Variants in DOCK6 observed in about 807,000 individuals in gnomAD.
DOCK6 encodes the protein dedicator of cytokinesis 6.
A neutral mutation model predicts 230.3 loss-of-function variants in DOCK6; 167 were observed. The ratio of observed to expected loss-of-function variants is 0.73; its 90% confidence interval spans 0.64 to 0.82. The LOEUF (loss-of-function observed/expected upper bound fraction) is 0.82, where lower values mean the gene tolerates loss of function less well. DOCK6 is among the 40% of genes least tolerant of loss of function. The probability of loss-of-function intolerance (pLI) is 0.00; values close to 1 mark genes in which losing one functional copy is unlikely to be tolerated. For synonymous variants in DOCK6, 1,148 were observed against 1,185.0 expected (o/e 0.97, Z 0.64); for missense variants, 2,598 against 2,825.8 (o/e 0.92, Z 1.83).
At chr19:11,205,070 T>G (rs1305128154) in intron 39 of DOCK6, among the ~76,000 whole-genome samples, 1 of 152,156 alleles carries the variant, frequency 6.6e-6, no homozygotes, top group Non-Finnish European at 1.5e-5. Flanking sequence ...TGGCATGTGG[T>G]AATATGCCCC....
rs904819015 is a variant in DOCK6 at position 11,202,862 on chromosome 19, G to A, written c.5236-153C>T. 1.2e-5 allele frequency: 15 copies of A among 1,263,086 alleles called. No individual in the cohort carries two copies. The highest frequency in any genetic ancestry group is 1.7e-5 in the Non-Finnish European group (15 of 892,204). 78.2% of individuals were successfully genotyped at this position (1,263,086 alleles called of 1,614,324 possible). A position where few individuals can be genotyped will look rare whatever the true frequency, so the allele number is the denominator to read the frequency against. On this transcript the variant is annotated intron_variant, in intron 41 of 47. Transcript: ENST00000294618. This position sits in a 1 kb window ranked among gnomAD's most constrained non-coding sequence, Gnocchi z 5.3. Reference sequence around the variant, plus strand: ...AGGCAGGGGGCCCTGAGAACATTGGGGCATGGATTGCAATAGGAAGTTAGG... The same window carrying A: ...AGGCAGGGGGCCCTGAGAACATTGGAGCATGGATTGCAATAGGAAGTTAGG...
rs371116891 is a variant in DOCK6, at chr19:11,233,311, G to A, written c.2610C>T (p.Pro870=). The A allele has an allele frequency of 8.7e-6, 14 of 1,613,714 alleles. No individual in the cohort carries two copies. Among genetic ancestry groups the A allele is most frequent in the Admixed American group, 8.3e-5 (5 of 59,998 alleles). ...AATLARGSGR[P]ASLYLARSKS... ...TGGAACGCGCCAGGTAGAGGCTTGC[G>A]GGGCGACCAGAGCCACGGGCCAGTG... The change falls in exon 22 of 48, where the codon CCC becomes CCT. Residue 870 remains proline, a synonymous_variant. Transcript: ENST00000294618.
At chr19:11,239,911 CG>C in intron 14 of DOCK6, 1 of 1,588,384 alleles carries the variant, frequency 6.3e-7, no homozygotes, top group Non-Finnish European at 8.6e-7. Flanking sequence ...CCAGGAACTT[CG>C]GGCAAGCCTG....
At chr19:11,245,237 G>T (rs2080013928) in intron 9 of DOCK6, among the ~76,000 whole-genome samples, 1 of 152,170 alleles carries the variant, frequency 6.6e-6, no homozygotes, top group African/African-American at 2.4e-5. Flanking sequence ...AAATGAGGGT[G>T]CCAACTATGT....
rs2079601394 is a variant in DOCK6 at position 11,222,802 on chromosome 19, T to A, written c.3173A>T (p.Asn1058Ile). 1.3e-6 allele frequency: 2 copies of A among 1,588,618 alleles called. No homozygotes were observed. Among genetic ancestry groups the A allele is most frequent in the East Asian group, 4.6e-5 (2 of 43,902 alleles). ...LCSHEHYVTL[N>I]LPCCPLSPPA... The stretch of plus-strand genomic sequence containing the variant: ...AGGTGACAGGGGGCAGCAGGGGAGG[T>A]TGAGGGTCACGTAGTGCTCGTGGCT... The change falls in exon 26 of 48, where the codon AAC becomes ATC. Residue 1058 changes from asparagine (N) to isoleucine (I), a missense_variant. Physicochemically the swap from Asn to Ile is moderately radical, Grantham distance 149. Coordinates refer to ENST00000294618, the MANE Select transcript of DOCK6 (RefSeq NM_020812.4). This position sits in a 1 kb window ranked among gnomAD's most constrained non-coding sequence, Gnocchi z 4.0.
rs771470936 is a variant in DOCK6 at position 11,222,813 on chromosome 19, G to T, written c.3162C>A (p.Tyr1054Ter). 2.5e-6 allele frequency: 4 copies of T among 1,593,380 alleles called. No individual in the cohort carries two copies. In the Admixed American group the frequency reaches 7.2e-5, roughly 29 times the overall value. The change falls in exon 26 of 48, where the codon TAC becomes TAA. Residue 1054 changes from tyrosine to a stop codon, truncating the protein, a stop_gained. Transcript: ENST00000294618. LOFTEE classifies it high-confidence loss of function. The surrounding 1 kb of genome is among the most constrained non-coding windows in gnomAD (Gnocchi z 4.0). ...FTRILCSHEHYVTLNLPCCPL... is the reference protein window; with the variant it reads ...FTRILCSHEH ...GGCAGCAGGGGAGGTTGAGGGTCACGTAGTGCTCGTGGCTGCACAGGATGC... is the reference window on the plus strand; with the variant it reads ...GGCAGCAGGGGAGGTTGAGGGTCACTTAGTGCTCGTGGCTGCACAGGATGC...
At position 11,243,379 on chromosome 19, in the gene DOCK6, C is replaced by T. The variant is rs1445092333; in HGVS notation, c.1265G>A (p.Arg422Gln). Residue 422 changes from arginine to glutamine, a missense_variant, in exon 12 of 48, where the codon CGG becomes CAG. Physicochemically the swap from Arg to Gln is conservative, Grantham distance 43. Coordinates refer to ENST00000294618, the MANE Select transcript of DOCK6 (RefSeq NM_020812.4). The surrounding 1 kb of genome is among the most constrained non-coding windows in gnomAD (Gnocchi z 6.3). ...ACGGCGGCGGTCTGTCCAGGCTGGCCGGCGCTCTAGGGGAGGGAATGACAA... is the reference window on the plus strand; with the variant it reads ...ACGGCGGCGGTCTGTCCAGGCTGGCTGGCGCTCTAGGGGAGGGAATGACAA... ...DRDSDSEGERRPAWTDRRRRG... is the reference protein window; with the variant it reads ...DRDSDSEGERQPAWTDRRRRG... The T allele has an allele frequency of 2.5e-6, 4 of 1,601,948 alleles. No homozygotes were observed. Among genetic ancestry groups the T allele is most frequent in the Non-Finnish European group, 3.4e-6 (4 of 1,174,908 alleles).
intron 1 of DOCK6, chr19:11,254,086 C>T (rs982227725): frequency 2.4e-5 from 5 of 211,488 alleles, no homozygotes; most frequent in Admixed American, 1.8e-4. Flanking sequence ...CCCAACACAC[C>T]CAGCCCTGCC....
rs750584511 is a variant in DOCK6, at chr19:11,217,100, G to A, written c.3712-4C>T. The stretch of plus-strand genomic sequence containing the variant: ...GGGCACAGCCTGCGCGAGAAGCCTG[G>A]GGCCAGAGAGGAATCAAAGTCAATT... On this transcript the variant is annotated splice_polypyrimidine_tract_variant and splice_region_variant and intron_variant, in intron 29 of 47. Coordinates refer to ENST00000294618, the MANE Select transcript of DOCK6 (RefSeq NM_020812.4). 1.2e-6 allele frequency: 2 copies of A among 1,607,880 alleles called. No homozygotes were observed. The highest frequency in any genetic ancestry group is 1.7e-6 in the Non-Finnish European group (2 of 1,177,278).
In DOCK6 at chr19:11,200,517, G is replaced by C; in HGVS notation, c.5940-48C>G. 1 of 1,588,298 alleles carries C rather than the reference G, an allele frequency of 6.3e-7. No homozygotes were observed. Among genetic ancestry groups the C allele is most frequent in the Non-Finnish European group, 8.6e-7 (1 of 1,167,852 alleles). On this transcript the variant is annotated intron_variant, in intron 46 of 47. Coordinates refer to ENST00000294618, the MANE Select transcript of DOCK6 (RefSeq NM_020812.4). The surrounding 1 kb of genome is among the most constrained non-coding windows in gnomAD (Gnocchi z 4.3). ...TGCTCAGAGACTCGCACACGGGACT[G>C]AAAGCAAGACTAGGGGTGGGGGCAC...
At chr19:11,239,548 G>T (rs2079906639) in intron 14 of DOCK6, 2 of 1,500,070 alleles carry the variant, frequency 1.3e-6, no homozygotes. Flanking sequence ...CACCAGGTCG[G>T]CCAGTTAACG....
chr19:11,228,268 C>T (rs1425410414), intron 23 of DOCK6, among the ~76,000 whole-genome samples: 1 of 152,082 alleles, frequency 6.6e-6, no homozygotes, highest in Non-Finnish European at 1.5e-5. Context: ...GCCTCGGCCT[C>T]CCAAAGTGCT....
chr19:11,253,511 G>A (rs1249328829), intron 2 of DOCK6, 128 bp downstream of exon 2: 3 of 549,836 alleles, frequency 5.5e-6, no homozygotes, highest in African/African-American at 4.0e-5. Context: ...ACACTGCTGG[G>A]TCCCTCTCGG....
At position 11,202,478 on chromosome 19, in the gene DOCK6, G is replaced by A. The variant is rs752524732; in HGVS notation, c.5367C>T (p.Phe1789=). The A allele has an allele frequency of 1.9e-6, 3 of 1,613,414 alleles. No homozygotes were observed. Among genetic ancestry groups the A allele is most frequent in the Non-Finnish European group, 2.5e-6 (3 of 1,179,588 alleles). The change falls in exon 43 of 48, where the codon TTC becomes TTT. Residue 1789 remains phenylalanine, a synonymous_variant. Transcript: ENST00000294618. The surrounding 1 kb of genome is among the most constrained non-coding windows in gnomAD (Gnocchi z 5.3). ...CGTCGTCGCCAAATCTCTCCGTGTA[G>A]AACTCCTGGAGACACAGGGCTGACT... The part of the protein sequence containing the change: ...LAEISHRLEE[F]YTERFGDDVV...
chr19:11,260,937 AACAG>A (rs1002658951), intron 1 of DOCK6, among the ~76,000 whole-genome samples: 6 of 151,692 alleles, frequency 4.0e-5, no homozygotes, highest in African/African-American at 1.5e-4. Flanking sequence ...AAGAAAAAGA[AACAG>A]ACAGCAATAA....
intron 23 of DOCK6, 62 bp from the exon 24 acceptor site, chr19:11,227,539 G>C: frequency 6.6e-7 from 1 of 1,523,974 alleles, no homozygotes; most frequent in African/African-American, 1.4e-5. Flanking sequence ...GACTTGAAGG[G>C]CTGTGGGTGG....
rs370535529 is a variant in DOCK6, at chr19:11,243,920, C to T, written c.1024-38G>A. The stretch of plus-strand genomic sequence containing the variant: ...TGAATGAATCCAGTGAGGCGCTGCC[C>T]GAACGCTCTGTTCCCCCGTGCTGGC... On this transcript the variant is annotated intron_variant, in intron 9 of 47. Transcript: ENST00000294618. This position sits in a 1 kb window ranked among gnomAD's most constrained non-coding sequence, Gnocchi z 6.3. 38 of 1,573,256 alleles carry T rather than the reference C, an allele frequency of 2.4e-5. No homozygotes were observed. The highest frequency in any genetic ancestry group is 9.5e-5 in the African/African-American group (7 of 73,924).
At position 11,227,599 on chromosome 19, in the gene DOCK6, A is replaced by AGGACTGTGGGTGGGGCTT. The variant is rs1322209363; in HGVS notation, c.2815-123_2815-122insAAGCCCCACCCACAGTCC. On this transcript the variant is annotated intron_variant, in intron 23 of 47. Coordinates refer to ENST00000294618, the MANE Select transcript of DOCK6 (RefSeq NM_020812.4). The stretch of plus-strand genomic sequence containing the variant: ...TTGAAGGACTGTGGGTGGGGCTTGA[A>AGGACTGTGGGTGGGGCTT]GGGCTGTGGGTGGAGGAGGCTTGAC... 9 of 1,242,756 alleles carry AGGACTGTGGGTGGGGCTT rather than the reference A, an allele frequency of 7.2e-6. No homozygotes were observed. The African/African-American group carries it at 1.2e-4, about 17-fold the overall frequency. The allele number at this position is 1,242,756 out of a possible 1,614,324, so 77.0% of individuals were successfully genotyped here.
rs1170311426 is a variant in DOCK6 at position 11,217,203 on chromosome 19, G to C, written c.3711+28C>G. ...ACTTCTCTCATTCAAAGTGGATGATGTCTATGGGGACAAGCCTCCCTACTC... is the reference window on the plus strand; with the variant it reads ...ACTTCTCTCATTCAAAGTGGATGATCTCTATGGGGACAAGCCTCCCTACTC... On this transcript the variant is annotated intron_variant, in intron 29 of 47. Coordinates refer to ENST00000294618, the MANE Select transcript of DOCK6 (RefSeq NM_020812.4). 8 of 1,607,680 alleles carry C rather than the reference G, an allele frequency of 5.0e-6. No homozygotes were observed. The African/African-American group carries it at 1.1e-4, about 21-fold the overall frequency.
Sources: allele counts gnomAD v4.1 joint callset (sites outside exome capture counted in the v4.1 genomes callset), GRCh38; gene constraint gnomAD v4.1.1; non-coding constraint Gnocchi (gnomAD v3.1); transcripts MANE v1.5; gene names NCBI Gene and HGNC (gene_info 2026-07-23, HGNC 2026-07-21).